ULK4: variants seen among roughly 807,000 people sequenced by gnomAD.
ULK4 encodes the protein inactive serine/threonine-protein kinase ULK4.
ULK4 carries 133 observed loss-of-function variants against 160.6 expected under a neutral mutation model. The observed-to-expected ratio is 0.83, with a 90% CI of 0.72 to 0.96. The LOEUF (loss-of-function observed/expected upper bound fraction) is 0.96, where lower values mean the gene tolerates loss of function less well. ULK4 is among the 40% of genes least tolerant of loss of function. The pLI is 0.00. For synonymous variants in ULK4, 534 were observed against 539.8 expected, an observed-to-expected ratio of 0.99 and a Z score of 0.15; for missense variants, 1,580 against 1,499.5, an observed-to-expected ratio of 1.05 and a Z score of -0.89.
At chr3:41,897,440 TA>T (rs1183567975) in intron 14 of ULK4, among the ~76,000 whole-genome samples, 2 of 152,094 alleles carry the variant, frequency 1.3e-5, no homozygotes, top group Non-Finnish European at 2.9e-5. Context: ...ACATGATAGC[TA>T]AAAATCACCT....
In ULK4 at chr3:41,681,638, A is replaced by C. The variant is rs1256005551; in HGVS notation, c.2848T>G (p.Phe950Val). 1.9e-6 allele frequency: 3 copies of C among 1,613,872 alleles called. No individual in the cohort carries two copies. The highest frequency in any genetic ancestry group is 1.7e-5 in the Admixed American group (1 of 59,982). ...GTTTCTGAGAGCAACCGCAAGCTAA[A>C]GAGTCTCCACTCCACTTGAAAGAAA... The part of the protein sequence containing the change: ...VQSQNVEWRL[F>V]SLRLLSETTS... The change falls in exon 29 of 37, where the codon TTT (phenylalanine) becomes GTT (valine). Residue 950 changes from phenylalanine (F) to valine (V), a missense_variant. Transcript: ENST00000301831.
chr3:41,560,940 C>T (rs951508179), intron 32 of ULK4, among the ~76,000 whole-genome samples: 9 of 152,202 alleles, frequency 5.9e-5, no homozygotes, highest in Non-Finnish European at 1.0e-4. Context: ...TTGTCTTGTG[C>T]CAGTTTTCAA....
chr3:41,944,009 G>A (rs754349457), intron 2 of ULK4, among the ~76,000 whole-genome samples: 5 of 152,070 alleles, frequency 3.3e-5, no homozygotes, highest in East Asian at 1.9e-4. Flanking sequence ...AAAGATTTCC[G>A]CCCCTCCTGC....
At chr3:41,941,874 G>A (rs1158412284) in intron 2 of ULK4, among the ~76,000 whole-genome samples, 1 of 151,826 alleles carries the variant, frequency 6.6e-6, no homozygotes, top group African/African-American at 2.4e-5. Flanking sequence ...GGCACAGGAA[G>A]GGGGAGGTCC....
At chr3:41,884,508 T>C (rs542196458) in intron 16 of ULK4, among the ~76,000 whole-genome samples, 3 of 152,384 alleles carry the variant, frequency 2.0e-5, no homozygotes, top group African/African-American at 7.2e-5. Context: ...GATAAATTAC[T>C]ATTAAATGAC....
intron 34 of ULK4, among the ~76,000 whole-genome samples, chr3:41,423,242 G>A (rs1006118102): frequency 2.0e-5 from 3 of 152,186 alleles, no homozygotes; most frequent in Non-Finnish European, 4.4e-5. Context: ...AGTCACGACA[G>A]AGGAAGACTT....
At chr3:41,418,740 G>A (rs2082591291) in intron 34 of ULK4, among the ~76,000 whole-genome samples, 1 of 152,166 alleles carries the variant, frequency 6.6e-6, no homozygotes, top group African/African-American at 2.4e-5. Flanking sequence ...GATATTGGTG[G>A]AGAACTTGAA....
In ULK4 at chr3:41,849,662, T is replaced by C. The variant is rs1350562738; in HGVS notation, c.1657-13691A>G. ...CTACAGACTTTGGGTGACAATAATG[T>C]GTCAATGTAGGTTTATCGACTAGAA... On this transcript the variant is annotated intron_variant, in intron 17 of 36. Transcript: ENST00000301831. Among the ~76,000 whole-genome samples the C allele has an allele frequency of 2.6e-5, 4 of 152,142 alleles. No individual in the cohort carries two copies. In the East Asian group the frequency reaches 7.7e-4, roughly 29 times the overall value.
At chr3:41,735,380 G>T (rs1216029597) in intron 22 of ULK4, among the ~76,000 whole-genome samples, 1 of 152,052 alleles carries the variant, frequency 6.6e-6, no homozygotes, top group Non-Finnish European at 1.5e-5. Context: ...CACACTCCTT[G>T]CTTTTTAACT....
intron 2 of ULK4, among the ~76,000 whole-genome samples, chr3:41,944,389 G>T (rs1700052205): frequency 6.6e-6 from 1 of 152,146 alleles, no homozygotes; most frequent in Admixed American, 6.5e-5. Flanking sequence ...GCAGTGAGCT[G>T]AAATCATGCC....
At chr3:41,442,039 T>G (rs1004566903) in intron 34 of ULK4, among the ~76,000 whole-genome samples, 3 of 152,210 alleles carry the variant, frequency 2.0e-5, no homozygotes, top group African/African-American at 7.2e-5. Flanking sequence ...TCTTTTACCT[T>G]TAACCTACAT....
At chr3:41,780,615 C>A (rs1270285415) in intron 21 of ULK4, among the ~76,000 whole-genome samples, 1 of 152,094 alleles carries the variant, frequency 6.6e-6, no homozygotes, top group East Asian at 1.9e-4. Context: ...AAGAAGAGAG[C>A]CACACTGGGT....
At chr3:41,855,432 C>T (rs1229520055) in intron 17 of ULK4, among the ~76,000 whole-genome samples, 1 of 152,272 alleles carries the variant, frequency 6.6e-6, no homozygotes. Flanking sequence ...ATGATACATA[C>T]ATTTATCAAG....
chr3:41,322,621 T>C (rs1282002103), intron 35 of ULK4, among the ~76,000 whole-genome samples: 1 of 152,210 alleles, frequency 6.6e-6, no homozygotes, highest in Non-Finnish European at 1.5e-5. Context: ...CAAAGCTCCC[T>C]GGTAATTCCC....
intron 35 of ULK4, among the ~76,000 whole-genome samples, chr3:41,394,849 G>A (rs988256192): frequency 1.8e-4 from 27 of 151,986 alleles, no homozygotes; most frequent in African/African-American, 5.8e-4. Context: ...GAAAGCTTTC[G>A]GAAGATTTTG....
intron 32 of ULK4, among the ~76,000 whole-genome samples, chr3:41,549,903 A>G (rs60528485): frequency 0.061 from 9,287 of 152,104 alleles, 845 homozygotes; most frequent in African/African-American, 0.2. Context: ...TGAAGTGCTA[A>G]GAAAAAAAAA....
At chr3:41,867,636 C>CA (rs1321218743) in intron 17 of ULK4, among the ~76,000 whole-genome samples, 1 of 152,216 alleles carries the variant, frequency 6.6e-6, no homozygotes, top group Admixed American at 6.5e-5. Flanking sequence ...CTCAACCTCC[C>CA]AAAGTGCTGG....
rs573960926 is a variant in ULK4, at chr3:41,775,270, T to C, written c.2193+14391A>G. Among the ~76,000 whole-genome samples, 55 of 150,760 alleles carry C rather than the reference T, an allele frequency of 3.6e-4. 5 individuals are homozygous for C. Among genetic ancestry groups the C allele is most frequent in the African/African-American group, 1.3e-3 (53 of 40,208 alleles). On this transcript the variant is annotated intron_variant, in intron 21 of 36. Transcript: ENST00000301831. ...TATAAAGATTTATATTTTTAAATAA[T>C]TGTATTTTACCTATCCAGACAAAAA... is the stretch of plus-strand genomic sequence containing the variant.
intron 13 of ULK4, chr3:41,899,007 A>G (rs940468431): frequency 1.4e-4 from 21 of 153,716 alleles, no homozygotes; most frequent in Admixed American, 1.4e-3. Context: ...TTTTGTAAAT[A>G]GTAGTTTAGA....
Sources: allele counts gnomAD v4.1 joint callset (sites outside exome capture counted in the v4.1 genomes callset), GRCh38; gene constraint gnomAD v4.1.1; transcripts MANE v1.5; gene names NCBI Gene and HGNC (gene_info 2026-07-23, HGNC 2026-07-21).